Variants in TRERF1 observed in about 807,000 individuals in gnomAD.
TRERF1 encodes transcriptional-regulating factor 1.
In TRERF1, 27 loss-of-function variants were observed where a neutral mutation model predicts 122.9. That is an observed-to-expected ratio of 0.22 (90% CI 0.16 to 0.30). The LOEUF (loss-of-function observed/expected upper bound fraction) is 0.30. Among genes scored for constraint, TRERF1 ranks in the 10% least tolerant of loss-of-function variants. The pLI, the probability that TRERF1 is intolerant of heterozygous loss-of-function variation, is 1.00. For synonymous variants in TRERF1, 636 were observed against 641.7 expected (o/e 0.99, Z 0.13); for missense variants, 1,248 against 1,560.3 (o/e 0.80, Z 3.37).
chr6:42,316,167 G>A (rs576962389), intron 3 of TRERF1, among the ~76,000 whole-genome samples: 1 of 152,314 alleles, frequency 6.6e-6, no homozygotes, highest in East Asian at 1.9e-4. Context: ...GTCTGGGGAA[G>A]TGGCTGTGAT....
At chr6:42,423,837 A>G (rs1205536295) in intron 2 of TRERF1, among the ~76,000 whole-genome samples, 1 of 152,188 alleles carries the variant, frequency 6.6e-6, no homozygotes, top group African/African-American at 2.4e-5. Context: ...GCTTGTCACA[A>G]ACACATTTAA....
intron 3 of TRERF1, among the ~76,000 whole-genome samples, chr6:42,350,962 T>TTCTC (rs1293263488): frequency 1.3e-5 from 2 of 151,152 alleles, no homozygotes; most frequent in African/African-American, 4.9e-5. Flanking sequence ...AAAGAGGCAA[T>TTCTC]TCTCTCTCTC....
intron 2 of TRERF1, among the ~76,000 whole-genome samples, chr6:42,433,755 C>A (rs1784840080): frequency 6.6e-6 from 1 of 152,098 alleles, no homozygotes. Flanking sequence ...TGGTGGCTCA[C>A]ATTCATAATC....
intron 5 of TRERF1, among the ~76,000 whole-genome samples, chr6:42,267,142 T>C (rs1055078035): frequency 2.0e-5 from 3 of 152,038 alleles, no homozygotes; most frequent in African/African-American, 4.8e-5. Context: ...CTGGGCAACA[T>C]AGGGAGACCT....
intron 14 of TRERF1, 41 bp from the exon 15 acceptor site, chr6:42,243,402 C>T: frequency 7.2e-7 from 1 of 1,389,456 alleles, no homozygotes; most frequent in Non-Finnish European, 1.0e-6. Flanking sequence ...CAGCAATGGG[C>T]AGAGAGCAAA....
intron 2 of TRERF1, among the ~76,000 whole-genome samples, chr6:42,414,125 C>T (rs1204698857): frequency 1.3e-5 from 2 of 152,090 alleles, no homozygotes; most frequent in Non-Finnish European, 2.9e-5. Flanking sequence ...TTACAAGACA[C>T]CCAAATGAAA....
At chr6:42,437,788 TCCATTTCC>T (rs747707136) in intron 2 of TRERF1, among the ~76,000 whole-genome samples, 1 of 152,148 alleles carries the variant, frequency 6.6e-6, no homozygotes, top group Non-Finnish European at 1.5e-5. Context: ...TCTTTGTGCC[TCCATTTCC>T]CCACCTGTAT....
chr6:42,399,699 C>G (rs1177380253), intron 2 of TRERF1, among the ~76,000 whole-genome samples: 1 of 152,208 alleles, frequency 6.6e-6, no homozygotes, highest in Non-Finnish European at 1.5e-5. Flanking sequence ...GTAACCAGAA[C>G]TTGACCATGG....
chr6:42,314,345 C>T (rs1762148283), intron 3 of TRERF1, among the ~76,000 whole-genome samples: 1 of 152,170 alleles, frequency 6.6e-6, no homozygotes, highest in African/African-American at 2.4e-5. Flanking sequence ...TCGAACTCTT[C>T]ATCAACATAA....
intron 3 of TRERF1, among the ~76,000 whole-genome samples, chr6:42,325,611 C>T (rs1487721025): frequency 6.6e-6 from 1 of 152,212 alleles, no homozygotes; most frequent in Non-Finnish European, 1.5e-5. Context: ...TGGTGACTCA[C>T]ACCTGTAATC....
chr6:42,347,760 G>T (rs1017097997), intron 3 of TRERF1, among the ~76,000 whole-genome samples: 1 of 152,184 alleles, frequency 6.6e-6, no homozygotes, highest in African/African-American at 2.4e-5. Context: ...CACAAATAAA[G>T]CAATTCGCAA....
chr6:42,439,245 G>C (rs1016364647), intron 2 of TRERF1, among the ~76,000 whole-genome samples: 10 of 152,070 alleles, frequency 6.6e-5, no homozygotes, highest in African/African-American at 2.4e-4. Flanking sequence ...AACCTTCAGT[G>C]ACTCCCCTAC....
At chr6:42,346,517 G>A (rs1466222822) in intron 3 of TRERF1, among the ~76,000 whole-genome samples, 1 of 152,190 alleles carries the variant, frequency 6.6e-6, no homozygotes, top group East Asian at 1.9e-4. Flanking sequence ...GCGATCCAGA[G>A]CAATGCTCTA....
intron 4 of TRERF1, among the ~76,000 whole-genome samples, chr6:42,289,416 C>T (rs1406944800): frequency 6.7e-6 from 1 of 150,260 alleles, no homozygotes; most frequent in African/African-American, 2.4e-5. Context: ...CAGTGTAGAT[C>T]AAGGGTGAGC....
intron 2 of TRERF1, among the ~76,000 whole-genome samples, chr6:42,442,934 C>T (rs1786787058): frequency 6.6e-6 from 1 of 152,216 alleles, no homozygotes; most frequent in South Asian, 2.1e-4. Context: ...TCCAATTTTA[C>T]TTCTCGAGCC....
chr6:42,437,802 T>A (rs1220915776), intron 2 of TRERF1, among the ~76,000 whole-genome samples: 1 of 152,192 alleles, frequency 6.6e-6, no homozygotes, highest in African/African-American at 2.4e-5. Flanking sequence ...TTTCCCCACC[T>A]GTATAATAAG....
chr6:42,447,746 C>A (rs1337210730), intron 2 of TRERF1, among the ~76,000 whole-genome samples: 1 of 152,070 alleles, frequency 6.6e-6, no homozygotes, highest in Non-Finnish European at 1.5e-5. Context: ...GCTCTGTCAC[C>A]CAGGCTGGAG....
At chr6:42,236,172 T>A (rs1428663988) in intron 16 of TRERF1, 33 bp downstream of exon 16, 1 of 1,535,558 alleles carries the variant, frequency 6.5e-7, no homozygotes, top group Non-Finnish European at 8.7e-7. Flanking sequence ...CTCTCACTTG[T>A]CCCAGATCCC....
chr6:42,241,531 G>A (rs895636083), intron 15 of TRERF1, among the ~76,000 whole-genome samples: 4 of 151,522 alleles, frequency 2.6e-5, no homozygotes, highest in South Asian at 2.1e-4. Flanking sequence ...GTGCAATCTC[G>A]GCTCACCGCA....
Sources: gnomAD v4.1 joint callset for allele counts (sites outside exome capture counted in the v4.1 genomes callset) on GRCh38, gnomAD v4.1.1 for gene constraint, MANE v1.5 for transcripts, NCBI Gene and HGNC (gene_info 2026-07-23, HGNC 2026-07-21) for gene names.